LDLRAD4: variants seen among roughly 807,000 people sequenced by gnomAD.
LDLRAD4 encodes the protein low-density lipoprotein receptor class A domain-containing protein 4.
A neutral mutation model predicts 17.0 loss-of-function variants in LDLRAD4; 5 were observed. That is an observed-to-expected ratio of 0.29 (90% CI 0.15 to 0.62). The LOEUF (loss-of-function observed/expected upper bound fraction) is 0.62. LDLRAD4 is among the 20% of genes least tolerant of loss of function. The pLI, the probability that LDLRAD4 is intolerant of heterozygous loss-of-function variation, is 0.84. For missense variants in LDLRAD4, 340 were observed against 424.7 expected (o/e 0.80, Z 1.75); for synonymous variants, 168 against 171.8 (o/e 0.98, Z 0.17).
At chr18:13,642,749 A>G in intron 4 of LDLRAD4, 1 of 1,231,322 alleles carries the variant, frequency 8.1e-7, no homozygotes. Flanking sequence ...ATGTATTTCA[A>G]GCACACAGGT....
At chr18:13,529,384 A>G (rs191543272) in intron 3 of LDLRAD4, among the ~76,000 whole-genome samples, 51 of 152,350 alleles carry the variant, frequency 3.3e-4, no homozygotes, top group African/African-American at 1.2e-3. Context: ...ACTGTAAGCT[A>G]CCTGGAACAC....
At chr18:13,250,443 A>G (rs2043175540) in intron 1 of LDLRAD4, among the ~76,000 whole-genome samples, 1 of 152,206 alleles carries the variant, frequency 6.6e-6, no homozygotes. Context: ...CAATGAAACA[A>G]AAAGTTGGAT....
chr18:13,362,920 C>T (rs1442012031), intron 1 of LDLRAD4, among the ~76,000 whole-genome samples: 2 of 152,002 alleles, frequency 1.3e-5, no homozygotes, highest in Non-Finnish European at 2.9e-5. Flanking sequence ...ATATGAGAGC[C>T]CAACTCACCT....
At chr18:13,641,322 G>T (rs189115343) in intron 4 of LDLRAD4, among the ~76,000 whole-genome samples, 82 of 152,312 alleles carry the variant, frequency 5.4e-4, no homozygotes, top group Non-Finnish European at 1.1e-3. Flanking sequence ...GAGAGATACA[G>T]ATATTTAGAT....
At chr18:13,568,806 T>C (rs954963872) in intron 3 of LDLRAD4, among the ~76,000 whole-genome samples, 3 of 152,212 alleles carry the variant, frequency 2.0e-5, no homozygotes, top group Admixed American at 6.5e-5. Flanking sequence ...TCCTGTCTCT[T>C]ACCTTATCAA....
intron 1 of LDLRAD4, among the ~76,000 whole-genome samples, chr18:13,253,393 C>T (rs1311978818): frequency 1.3e-5 from 2 of 152,188 alleles, no homozygotes; most frequent in Non-Finnish European, 2.9e-5. Flanking sequence ...GCATGATATA[C>T]ATCTAGGAAG....
At chr18:13,221,937 C>G (rs1339481498) in intron 1 of LDLRAD4, among the ~76,000 whole-genome samples, 2 of 152,178 alleles carry the variant, frequency 1.3e-5, no homozygotes, top group Non-Finnish European at 2.9e-5. Flanking sequence ...GTTGACTTTT[C>G]TAGAATAAAA....
intron 4 of LDLRAD4, chr18:13,641,651 C>A: frequency 1.7e-6 from 1 of 588,264 alleles, no homozygotes; most frequent in Non-Finnish European, 2.1e-6. Context: ...GAGGCGGCGG[C>A]CCAGAGGAGC....
chr18:13,251,002 G>A (rs150165119), intron 1 of LDLRAD4, among the ~76,000 whole-genome samples: 2 of 152,242 alleles, frequency 1.3e-5, no homozygotes, highest in African/African-American at 4.8e-5. Flanking sequence ...ACCAAATCCA[G>A]CAACACATCA....
At chr18:13,509,205 T>C (rs115021669) in intron 3 of LDLRAD4, among the ~76,000 whole-genome samples, 1 of 152,166 alleles carries the variant, frequency 6.6e-6, no homozygotes, top group South Asian at 2.1e-4. Flanking sequence ...TGCCAGCTGC[T>C]CAGGAGGCTG....
At chr18:13,244,454 T>TG (rs1428229664) in intron 1 of LDLRAD4, among the ~76,000 whole-genome samples, 6 of 152,182 alleles carry the variant, frequency 3.9e-5, no homozygotes, top group Non-Finnish European at 7.3e-5. Flanking sequence ...ACCTTCCTAT[T>TG]GATCTGTCAG....
At chr18:13,636,837 G>A (rs777907367) in intron 4 of LDLRAD4, among the ~76,000 whole-genome samples, 19 of 149,832 alleles carry the variant, frequency 1.3e-4, no homozygotes, top group Middle Eastern at 3.2e-3. Context: ...CGCTCTTGTC[G>A]CCCAGGCTGA....
At chr18:13,317,543 A>G (rs1196939829) in intron 1 of LDLRAD4, among the ~76,000 whole-genome samples, 1 of 152,266 alleles carries the variant, frequency 6.6e-6, no homozygotes, top group Non-Finnish European at 1.5e-5. Flanking sequence ...TTGAACAATT[A>G]GGATTGGTAG....
chr18:13,579,303 T>C, intron 3 of LDLRAD4, among the ~76,000 whole-genome samples: 1 of 152,262 alleles, frequency 6.6e-6, no homozygotes, highest in Non-Finnish European at 1.5e-5. Flanking sequence ...TGAATTACAG[T>C]CATTTGTTTA....
intron 1 of LDLRAD4, among the ~76,000 whole-genome samples, chr18:13,325,483 C>T (rs1450127543): frequency 2.6e-5 from 4 of 152,338 alleles, no homozygotes; most frequent in African/African-American, 7.2e-5. Flanking sequence ...CACCTCCCCT[C>T]GCTGCCCGGC....
At chr18:13,324,434 G>A (rs1236874352) in intron 1 of LDLRAD4, among the ~76,000 whole-genome samples, 2 of 152,080 alleles carry the variant, frequency 1.3e-5, no homozygotes, top group African/African-American at 2.4e-5. Flanking sequence ...GAGCCACCGC[G>A]CCTGGCCTCA....
At chr18:13,606,901 G>C (rs548470259) in intron 3 of LDLRAD4, among the ~76,000 whole-genome samples, 9 of 152,182 alleles carry the variant, frequency 5.9e-5, no homozygotes, top group Non-Finnish European at 1.0e-4. Context: ...ACAGGCAGAC[G>C]AGACACATAA....
intron 3 of LDLRAD4, among the ~76,000 whole-genome samples, chr18:13,578,737 G>A (rs1220142619): frequency 6.7e-6 from 1 of 149,492 alleles, no homozygotes; most frequent in Non-Finnish European, 1.5e-5. Context: ...TTTTTGCTAG[G>A]ATGAAAAACA....
chr18:13,382,896 C>G (rs1225274376), intron 1 of LDLRAD4, among the ~76,000 whole-genome samples: 1 of 152,262 alleles, frequency 6.6e-6, no homozygotes, highest in African/African-American at 2.4e-5. Flanking sequence ...GCAGTTCTTG[C>G]GCCTCCATGG....
Sources: gnomAD v4.1 joint callset for allele counts (sites outside exome capture counted in the v4.1 genomes callset) on GRCh38, gnomAD v4.1.1 for gene constraint, MANE v1.5 for transcripts, NCBI Gene and HGNC (gene_info 2026-07-23, HGNC 2026-07-21) for gene names.